Variants in NEBL observed in about 807,000 individuals in gnomAD.
The protein encoded by NEBL is LIM and SH3 protein 2.
Under a neutral mutation model 140.2 loss-of-function variants are expected in NEBL, and 122 were observed. The ratio of observed to expected loss-of-function variants is 0.87; its 90% CI spans 0.75 to 1.01. The LOEUF (loss-of-function observed/expected upper bound fraction) is 1.01, where lower values mean the gene tolerates loss of function less well. NEBL is among the 50% of genes least tolerant of loss of function. The pLI, the probability that NEBL is intolerant of heterozygous loss-of-function variation, is 0.00. For synonymous variants in NEBL, 436 were observed against 398.9 expected (o/e 1.09, Z -1.11); for missense variants, 1,365 against 1,231.3 (o/e 1.11, Z -1.62).
chr10:20,819,542 TGA>T, intron 19 of NEBL, 26 bp from the exon 20 acceptor site: 4 of 1,613,426 alleles, frequency 2.5e-6, no homozygotes, highest in Non-Finnish European at 3.4e-6. Context: ...CAAGACAGTT[TGA>T]GATTATGGGA....
chr10:21,278,901 G>A (rs1842957015), intron 1 of NEBL, among the ~76,000 whole-genome samples: 1 of 152,106 alleles, frequency 6.6e-6, no homozygotes, highest in African/African-American at 2.4e-5. Flanking sequence ...GTTGCCTCCA[G>A]GGGGCGCTAT....
chr10:21,041,654 T>A (rs1404619231), intron 2 of NEBL, among the ~76,000 whole-genome samples: 1 of 152,176 alleles, frequency 6.6e-6, no homozygotes, highest in Non-Finnish European at 1.5e-5. Flanking sequence ...TTTTTTATTA[T>A]TATTGAAAGC....
exon 1 of NEBL, chr10:21,174,173 C>T: frequency 2.4e-6 from 1 of 416,592 alleles, no homozygotes; most frequent in Non-Finnish European, 3.3e-6. Flanking sequence ...CGCCTCGCCG[C>T]CGCCGCCGCG....
In NEBL at chr10:20,930,609, G is replaced by C. The variant is rs184244358; in HGVS notation, c.357+31063C>G. Among the ~76,000 whole-genome samples, 144 of 152,218 alleles carry C rather than the reference G, an allele frequency of 9.5e-4. 2 individuals carry two copies. The highest frequency in any genetic ancestry group is 9.0e-3 in the Admixed American group (137 of 15,288). On this transcript the variant is annotated intron_variant, in intron 4 of 6. Transcript: ENST00000417816. ...CCTACACCAGTTCCCCTTTTGCTCA[G>C]TCCAGCTTTCTCTCCACTGATGACA...
intron 18 of NEBL, 80 bp downstream of exon 18, chr10:20,826,367 G>T: frequency 9.2e-7 from 1 of 1,088,022 alleles, no homozygotes. Flanking sequence ...AAAGCCATCA[G>T]TTGAGTAAAG....
intron 3 of NEBL, among the ~76,000 whole-genome samples, chr10:21,192,511 A>G (rs1191575503): frequency 6.6e-6 from 1 of 150,490 alleles, no homozygotes; most frequent in Non-Finnish European, 1.5e-5. Flanking sequence ...TTTTTTTTAA[A>G]TGCCAGTCAT....
At chr10:20,954,626 A>G (rs562343035) in intron 4 of NEBL, among the ~76,000 whole-genome samples, 100 of 152,332 alleles carry the variant, frequency 6.6e-4, no homozygotes, top group Non-Finnish European at 1.2e-3. Context: ...GACTCCCTGC[A>G]AGGCCAGAGT....
intron 2 of NEBL, among the ~76,000 whole-genome samples, chr10:21,053,744 T>C (rs1834883841): frequency 2.0e-5 from 3 of 152,096 alleles, no homozygotes; most frequent in African/African-American, 7.2e-5. Flanking sequence ...TTAAGAAGTA[T>C]GCCTAGGGCT....
At chr10:20,968,170 G>T (rs1043349675) in intron 3 of NEBL, among the ~76,000 whole-genome samples, 1 of 152,008 alleles carries the variant, frequency 6.6e-6, no homozygotes, top group Non-Finnish European at 1.5e-5. Flanking sequence ...AGGAAAAATT[G>T]CATTGAGAGA....
At chr10:20,939,731 T>G (rs1812781746) in intron 4 of NEBL, among the ~76,000 whole-genome samples, 1 of 152,010 alleles carries the variant, frequency 6.6e-6, no homozygotes, top group South Asian at 2.1e-4. Flanking sequence ...AATAAAGGGA[T>G]GGAGGAAGAT....
At chr10:21,126,598 T>C (rs1564520404) in intron 2 of NEBL, among the ~76,000 whole-genome samples, 2 of 152,042 alleles carry the variant, frequency 1.3e-5, no homozygotes, top group African/African-American at 4.8e-5. Flanking sequence ...CTAACCCAAT[T>C]ATTTAAAGAG....
At chr10:20,808,060 T>A (rs1837772027) in intron 26 of NEBL, among the ~76,000 whole-genome samples, 1 of 151,990 alleles carries the variant, frequency 6.6e-6, no homozygotes, top group Non-Finnish European at 1.5e-5. Context: ...GTCTGCAAGT[T>A]TATATTAATA....
chr10:20,924,620 A>G (rs950616829), intron 4 of NEBL, among the ~76,000 whole-genome samples: 8 of 151,932 alleles, frequency 5.3e-5, no homozygotes, highest in African/African-American at 1.9e-4. Flanking sequence ...AGAATGTGAA[A>G]GAATAGGGCC....
At chr10:20,850,350 C>G in intron 11 of NEBL, 45 bp downstream of exon 11, 1 of 1,414,690 alleles carries the variant, frequency 7.1e-7, no homozygotes, top group Non-Finnish European at 1.0e-6. Flanking sequence ...AATGACAAAA[C>G]ATCAAATTTA....
At chr10:21,012,196 A>G (rs1217493660) in intron 3 of NEBL, among the ~76,000 whole-genome samples, 2 of 152,036 alleles carry the variant, frequency 1.3e-5, no homozygotes, top group Non-Finnish European at 2.9e-5. Context: ...GGAGTAGGGT[A>G]GGTGCCCCCC....
intron 1 of NEBL, among the ~76,000 whole-genome samples, chr10:21,267,086 T>C (rs1447394463): frequency 1.3e-5 from 2 of 152,120 alleles, no homozygotes; most frequent in African/African-American, 4.8e-5. Flanking sequence ...GCAATTCTCC[T>C]GCCTCAGCCT....
Position 20,986,829 on chromosome 10 carries a change from C to T in NEBL, c.250-25050G>A, listed in dbSNP as rs565922654. Among the ~76,000 whole-genome samples, 178 of 152,288 alleles carry T rather than the reference C, an allele frequency of 1.2e-3. 4 individuals carry two copies. The South Asian group carries it at 0.036, about 31-fold the overall frequency. ...TGACAATAGAAAAACATACTCTCTC[C>T]AAATAGCATCAGAATAATAAATCCA... On this transcript the variant is annotated intron_variant, in intron 3 of 6. Transcript: ENST00000417816.
intron 4 of NEBL, among the ~76,000 whole-genome samples, chr10:20,904,189 A>G (rs7911673): frequency 0.78 from 118,805 of 152,074 alleles, 46,878 homozygotes; most frequent in African/African-American, 0.89. Context: ...AAGGAAAACC[A>G]TAGATAAGGG....
intron 1 of NEBL, among the ~76,000 whole-genome samples, chr10:21,270,497 G>C (rs1317711603): frequency 6.6e-6 from 1 of 151,788 alleles, no homozygotes; most frequent in African/African-American, 2.4e-5. Context: ...CTCCCATGTA[G>C]CTGGGATTAC....
Sources: gnomAD v4.1 joint callset for allele counts (sites outside exome capture counted in the v4.1 genomes callset) on GRCh38, gnomAD v4.1.1 for gene constraint, MANE v1.5 for transcripts, NCBI Gene and HGNC (gene_info 2026-07-23, HGNC 2026-07-21) for gene names.